The following TDRD9 variants were observed in gnomAD, a reference collection of about 807,000 sequenced individuals.
TDRD9 encodes tudor domain containing 9.
In TDRD9, 124 loss-of-function variants were observed where a neutral mutation model predicts 172.6. The ratio of observed to expected loss-of-function variants is 0.72; its 90% CI spans 0.62 to 0.83. The LOEUF (loss-of-function observed/expected upper bound fraction) is 0.83, where lower values mean the gene tolerates loss of function less well. Among genes scored for constraint, TDRD9 ranks in the 40% least tolerant of loss-of-function variants. TDRD9 has a pLI of 0.00. For synonymous variants in TDRD9, 619 were observed against 617.1 expected (o/e 1.00, Z -0.05); for missense variants, 1,479 against 1,714.1 (o/e 0.86, Z 2.42).
chr14:103,960,148 T>A (rs2032440337), intron 2 of TDRD9, among the ~76,000 whole-genome samples: 1 of 152,274 alleles, frequency 6.6e-6, no homozygotes, highest in South Asian at 2.1e-4. Flanking sequence ...TTTGGAAGAT[T>A]TAATTTTATG....
intron 1 of TDRD9, among the ~76,000 whole-genome samples, chr14:103,929,195 C>G (rs1241275975): frequency 6.6e-6 from 1 of 152,056 alleles, no homozygotes. Context: ...CCTAACGTCA[C>G]GCATTACAGA....
At chr14:103,979,495 G>A (rs967765783) in intron 7 of TDRD9, among the ~76,000 whole-genome samples, 32 of 152,310 alleles carry the variant, frequency 2.1e-4, no homozygotes, top group African/African-American at 7.7e-4. Flanking sequence ...AGGTGGGTGT[G>A]CCAGGCTTTT....
rs2033443045 is a variant in TDRD9, at chr14:103,980,794, ATG to A, written c.1011+5242_1011+5243del. ...CGCTTGGCAACGGGCGTCTTCCCAGATGCTGGCATTACTGCTAGACCAAGGAG... is the reference window on the plus strand; with the variant it reads ...CGCTTGGCAACGGGCGTCTTCCCAGACTGGCATTACTGCTAGACCAAGGAG... On this transcript the variant is annotated intron_variant, in intron 7 of 35. Transcript: ENST00000409874. This position sits in a 1 kb window ranked among gnomAD's most constrained non-coding sequence, Gnocchi z 4.5. Among the ~76,000 whole-genome samples the A allele has an allele frequency of 6.6e-6, 1 of 152,064 alleles. No homozygotes were observed. The highest frequency in any genetic ancestry group is 2.4e-5 in the African/African-American group (1 of 41,404).
intron 4 of TDRD9, among the ~76,000 whole-genome samples, chr14:103,965,774 G>A (rs778702149): frequency 6.7e-5 from 10 of 148,990 alleles, no homozygotes; most frequent in South Asian, 2.2e-4. Context: ...GTGAAACTCC[G>A]TCTCTACTAA....
Position 104,014,825 on chromosome 14 carries a change from A to C in TDRD9, c.2207A>C (p.Gln736Pro). 6.2e-7 allele frequency: 1 copy of C among 1,603,114 alleles called. No individual in the cohort carries two copies. Among genetic ancestry groups the C allele is most frequent in the Non-Finnish European group, 8.5e-7 (1 of 1,172,444 alleles). ...ATGGACCAAGAGTATATATATAAGC[A>C]GCGATTCATCCTACAGGTGTGCTGA... The part of the protein sequence containing the change: ...PVMDQEYIYK[Q>P]RFILQVVLAG... Residue 736 changes from glutamine (Q) to proline (P), a missense_variant, in exon 21 of 36, where the codon CAG becomes CCG. By Grantham distance (76) the Gln-to-Pro change is moderately conservative (BLOSUM62 -1). Around this residue, in one of 3 missense-constraint regions of TDRD9, gnomAD observed 1,413 missense variants for 1,649.1 expected, o/e 0.86. Transcript: ENST00000409874.
intron 1 of TDRD9, chr14:103,941,478 G>A (rs2152119961): frequency 6.5e-7 from 1 of 1,535,296 alleles, no homozygotes; most frequent in East Asian, 2.4e-5. Flanking sequence ...CACTGGGATA[G>A]TTGTGTGGGG....
At chr14:103,960,965 T>C (rs935929281) in intron 2 of TDRD9, among the ~76,000 whole-genome samples, 4 of 152,166 alleles carry the variant, frequency 2.6e-5, no homozygotes, top group African/African-American at 9.7e-5. Context: ...GTCACCTTCT[T>C]TCCCCTTTGA....
At chr14:104,014,570 C>T (rs1040293468) in intron 20 of TDRD9, among the ~76,000 whole-genome samples, 155 bp from the exon 21 acceptor site, 1 of 152,072 alleles carries the variant, frequency 6.6e-6, no homozygotes, top group Non-Finnish European at 1.5e-5. Context: ...TGTGAGTCAC[C>T]GTGCACAGCC....
intron 20 of TDRD9, among the ~76,000 whole-genome samples, chr14:104,009,805 G>A (rs2034554628): frequency 6.6e-6 from 1 of 151,948 alleles, no homozygotes; most frequent in African/African-American, 2.4e-5. Context: ...TCACTCTGTT[G>A]CCCAGGCTGG....
At chr14:104,015,367 C>T (rs144076649) in intron 21 of TDRD9, among the ~76,000 whole-genome samples, 4 of 152,278 alleles carry the variant, frequency 2.6e-5, no homozygotes, top group East Asian at 1.9e-4. Context: ...CTGATGCATA[C>T]GGAATCAGGT....
Position 104,042,120 on chromosome 14 carries a change from G to A in TDRD9, c.3907G>A (p.Gly1303Arg). The A allele has an allele frequency of 6.2e-7, 1 of 1,613,784 alleles. No individual in the cohort carries two copies. The highest frequency in any genetic ancestry group is 8.5e-7 in the Non-Finnish European group (1 of 1,179,708). The change falls in exon 34 of 36, where the codon GGA becomes AGA. Residue 1303 changes from glycine (G) to arginine (R), a missense_variant. Gly to Arg is a moderately radical substitution (Grantham distance 125, BLOSUM62 -2). Around this residue, in one of 3 missense-constraint regions of TDRD9, gnomAD observed 1,413 missense variants for 1,649.1 expected, o/e 0.86. Coordinates refer to ENST00000409874, the MANE Select transcript of TDRD9 (RefSeq NM_153046.3). ...CAAGCTAGTCTGTGATGGACCAAAT[G>A]GATGCAAGTGTCTTGGGCCAGAGAG... is the stretch of plus-strand genomic sequence containing the variant. ...INKLVCDGPN[G>R]CKCLGPERVA...
intron 4 of TDRD9, among the ~76,000 whole-genome samples, chr14:103,965,872 G>T (rs1373328990): frequency 6.6e-6 from 1 of 152,062 alleles, no homozygotes; most frequent in Non-Finnish European, 1.5e-5. Context: ...TTGAACCCGG[G>T]AGGCAGAGGT....
intron 1 of TDRD9, among the ~76,000 whole-genome samples, chr14:103,945,189 A>G (rs372599223): frequency 2.0e-4 from 31 of 152,310 alleles, no homozygotes; most frequent in African/African-American, 7.2e-4. Context: ...TTTAACAGAG[A>G]TTTAGAGATC....
intron 30 of TDRD9, 25 bp downstream of exon 30, chr14:104,032,112 G>T (rs1596011130): frequency 6.7e-7 from 1 of 1,482,932 alleles, no homozygotes. Flanking sequence ...AGTTTTCCAT[G>T]AATTTTTTTT....
At position 103,965,563 on chromosome 14, in the gene TDRD9, G is replaced by A; in HGVS notation, c.642+9G>A. The A allele has an allele frequency of 1.3e-6, 2 of 1,498,758 alleles. No homozygotes were observed. Among genetic ancestry groups the A allele is most frequent in the South Asian group, 1.2e-5 (1 of 82,932 alleles). 92.8% of individuals were successfully genotyped at this position (1,498,758 alleles called of 1,614,324 possible). ...GTGTGGTGGGCTACCAGGTGAGACTGGGAGGGAGGGAGGGACTAAGAGAGC... is the reference window on the plus strand; with the variant it reads ...GTGTGGTGGGCTACCAGGTGAGACTAGGAGGGAGGGAGGGACTAAGAGAGC... On this transcript the variant is annotated intron_variant, in intron 4 of 35. Coordinates refer to ENST00000409874, the MANE Select transcript of TDRD9 (RefSeq NM_153046.3).
intron 13 of TDRD9, among the ~76,000 whole-genome samples, chr14:103,999,424 A>G (rs1160322338): frequency 2.0e-5 from 3 of 152,194 alleles, no homozygotes; most frequent in Admixed American, 1.3e-4. Context: ...GTGGTTCTGC[A>G]GAGAGTTCTG....
chr14:103,943,469 TAC>T (rs2152121021), intron 1 of TDRD9, among the ~76,000 whole-genome samples: 1 of 150,412 alleles, frequency 6.6e-6, no homozygotes, highest in East Asian at 1.9e-4. Context: ...TATATAAATA[TAC>T]ACACATATAT....
intron 9 of TDRD9, 116 bp downstream of exon 9, chr14:103,991,340 A>C (rs956562101): frequency 9.5e-6 from 10 of 1,057,330 alleles, no homozygotes; most frequent in African/African-American, 1.6e-5. Context: ...TTCTTTTTAC[A>C]CTTTGAGTAT....
chr14:104,012,080 TG>T (rs1407176517), intron 20 of TDRD9, among the ~76,000 whole-genome samples: 1 of 152,240 alleles, frequency 6.6e-6, no homozygotes, highest in Admixed American at 6.5e-5. Flanking sequence ...CTTGGTGTCC[TG>T]GGTTTTTATT....
Sources: gnomAD v4.1 joint callset for allele counts (sites outside exome capture counted in the v4.1 genomes callset) on GRCh38, gnomAD v4.1.1 for gene constraint, gnomAD v4.1.1 regional missense constraint, Gnocchi (gnomAD v3.1) non-coding constraint, MANE v1.5 for transcripts, NCBI Gene and HGNC (gene_info 2026-07-23, HGNC 2026-07-21) for gene names.